The following ZNF214 variants were observed in gnomAD, a reference collection of about 807,000 sequenced individuals.
The protein encoded by ZNF214 is zinc finger protein 214.
Under a neutral mutation model 53.9 loss-of-function variants are expected in ZNF214, and 43 were observed. The observed-to-expected ratio is 0.80, with a 90% CI of 0.63 to 1.03. ZNF214 has a LOEUF of 1.03. ZNF214 is among the 50% of genes least tolerant of loss of function. The probability of loss-of-function intolerance (pLI) is 0.00; values close to 1 mark genes in which losing one functional copy is unlikely to be tolerated. For missense variants in ZNF214, 724 were observed against 719.1 expected, an observed-to-expected ratio of 1.01 and a Z score of -0.08; for synonymous variants, 217 against 229.5, an observed-to-expected ratio of 0.95 and a Z score of 0.49.
intron 1 of ZNF214, among the ~76,000 whole-genome samples, chr11:7,013,910 T>C (rs991351196): frequency 6.6e-6 from 1 of 152,222 alleles, no homozygotes; most frequent in Non-Finnish European, 1.5e-5. Context: ...AAAAGCCATA[T>C]GATTATTGTA....
chr11:7,000,924 T>A lies in ZNF214; in HGVS notation c.759A>T (p.Lys253Asn). Residue 253 changes from lysine (K) to asparagine (N), a missense_variant, in exon 3 of 3, where the codon AAA (lysine) becomes AAT (asparagine). By Grantham distance (94) the Lys-to-Asn change is moderately conservative. Transcript: ENST00000278314. ...AGTCTGATCTCTGAGAGAAGCATGC[T>A]TTACAGATGGAGCATTGACAGAGGT... ...GENLCQCSIC[K>N]ACFSQRSDLY... The A allele has an allele frequency of 6.2e-7, 1 of 1,613,286 alleles. No homozygotes were observed. Among genetic ancestry groups the A allele is most frequent in the Non-Finnish European group, 8.5e-7 (1 of 1,179,608 alleles).
rs531673749 is a variant in ZNF214, at chr11:7,010,610, G to T, written c.-20-7755C>A. Reference sequence around the variant, plus strand: ...TAGAAATAAATCATTCAGCTCAGGAGTATAAAAAAGAGAAACCATCCCCCA... The same window carrying T: ...TAGAAATAAATCATTCAGCTCAGGATTATAAAAAAGAGAAACCATCCCCCA... On this transcript the variant is annotated intron_variant, in intron 1 of 2. Transcript: ENST00000278314. 8.9e-4 allele frequency among the ~76,000 whole-genome samples: 122 copies of T among 137,828 alleles called. 1 individual carries two copies. The highest frequency in any genetic ancestry group is 3.1e-3 in the African/African-American group (116 of 37,198). 90.4% of individuals were successfully genotyped at this position (137,828 alleles called of 152,430 possible).
rs1365864813 is a variant in ZNF214, at chr11:7,000,803, G to C, written c.880C>G (p.Gln294Glu). 8.1e-6 allele frequency: 13 copies of C among 1,611,080 alleles called. No individual in the cohort carries two copies. Among genetic ancestry groups the C allele is most frequent in the Admixed American group, 1.7e-5 (1 of 59,840 alleles). Residue 294 changes from glutamine to glutamate, a missense_variant, in exon 3 of 3, where the codon CAG (glutamine) becomes GAG (glutamate). Transcript: ENST00000278314. ...FHQSSGVHFHQRVHIGEVPYS... is the reference protein window; with the variant it reads ...FHQSSGVHFHERVHIGEVPYS... The stretch of plus-strand genomic sequence containing the variant: ...GGTACCTCCCCTATGTGAACTCTCT[G>C]ATGAAAGTGAACTCCGGAGCTCTGA...
At position 6,999,636 on chromosome 11, in the gene ZNF214, ATTATAT is replaced by A. The variant is rs1851270469; in HGVS notation, c.*220_*225del. 7 of 384,226 alleles carry A rather than the reference ATTATAT, an allele frequency of 1.8e-5. No individual in the cohort carries two copies. In the South Asian group the frequency reaches 4.6e-4, roughly 25 times the overall value. 23.8% of individuals were successfully genotyped at this position (384,226 alleles called of 1,614,324 possible). A position where few individuals can be genotyped will look rare whatever the true frequency, so the allele number is the denominator to read the frequency against. ...AAATGTTTAATATATTTATGACTGTATTATATTTATAGTAGGTAAAGAAAAATACAC... is the reference window on the plus strand; with the variant it reads ...AAATGTTTAATATATTTATGACTGTATTATAGTAGGTAAAGAAAAATACAC... On this transcript the variant is annotated 3_prime_UTR_variant, in exon 3 of 3. Coordinates refer to ENST00000278314, the MANE Select transcript of ZNF214 (RefSeq NM_013249.4).
chr11:7,003,034 A>T (rs1432702198), intron 1 of ZNF214, among the ~76,000 whole-genome samples, 179 bp from the exon 2 acceptor site: 1 of 151,950 alleles, frequency 6.6e-6, no homozygotes. Flanking sequence ...ATCATGAAAC[A>T]TCATCACTAT....
chr11:6,999,811 T>C lies in ZNF214; in HGVS notation c.*51A>G. On this transcript the variant is annotated 3_prime_UTR_variant, in exon 3 of 3. Coordinates refer to ENST00000278314, the MANE Select transcript of ZNF214 (RefSeq NM_013249.4). ...TTCCTTAACAGCAGGATTTATAGGG[T>C]TTAAAGGTTAGGTAAACTTTGATTA... The C allele has an allele frequency of 2.6e-6, 4 of 1,528,832 alleles. No homozygotes were observed. Among genetic ancestry groups the C allele is most frequent in the African/African-American group, 2.8e-5 (2 of 72,430 alleles). 94.7% of individuals were successfully genotyped at this position (1,528,832 alleles called of 1,614,324 possible).
At chr11:7,008,001 A>G (rs1851513779) in intron 1 of ZNF214, among the ~76,000 whole-genome samples, 1 of 151,880 alleles carries the variant, frequency 6.6e-6, no homozygotes, top group South Asian at 2.1e-4. Context: ...AACATACTAT[A>G]TTATTAAATA....
chr11:7,010,275 T>G (rs576542238), intron 1 of ZNF214, among the ~76,000 whole-genome samples: 1 of 152,068 alleles, frequency 6.6e-6, no homozygotes, highest in South Asian at 2.1e-4. Flanking sequence ...TGCAGCAACA[T>G]GGATGGAGCT....
At chr11:7,012,414 A>G (rs576386557) in intron 1 of ZNF214, among the ~76,000 whole-genome samples, 1 of 152,184 alleles carries the variant, frequency 6.6e-6, no homozygotes, top group East Asian at 1.9e-4. Context: ...GTTAAGGGGA[A>G]AACTATAAAA....
At chr11:7,005,171 T>C (rs1351639038) in intron 1 of ZNF214, among the ~76,000 whole-genome samples, 3 of 151,998 alleles carry the variant, frequency 2.0e-5, no homozygotes, top group East Asian at 3.9e-4. Context: ...CAAATAGATA[T>C]ATTTCTGTAT....
At chr11:7,015,474 G>A (rs1039855273) in intron 1 of ZNF214, among the ~76,000 whole-genome samples, 6 of 152,006 alleles carry the variant, frequency 3.9e-5, no homozygotes, top group Non-Finnish European at 5.9e-5. Context: ...CTACTTGGGA[G>A]GCTGAGGCAT....
rs866930036 is a variant in ZNF214 at position 6,999,974 on chromosome 11, C to T, written c.1709G>A (p.Arg570Gln). Residue 570 changes from arginine (R) to glutamine (Q), a missense_variant, in exon 3 of 3, where the codon CGA becomes CAA. Arg to Gln is a conservative substitution (Grantham distance 43, BLOSUM62 1). Transcript: ENST00000278314. ...TCCTGCATGGACTCTTTGATGAATT[C>T]GAAGAGCTGAGCTATGACTGAAACC... Reference protein sequence around the residue: ...GKGFSHSSALRIHQRVHAGEK... With the variant: ...GKGFSHSSALQIHQRVHAGEK... 15 of 1,612,942 alleles carry T rather than the reference C, an allele frequency of 9.3e-6. No individual in the cohort carries two copies. The highest frequency in any genetic ancestry group is 2.7e-5 in the African/African-American group (2 of 74,794).
chr11:7,007,153 T>C (rs1221281890), intron 1 of ZNF214, among the ~76,000 whole-genome samples: 1 of 151,816 alleles, frequency 6.6e-6, no homozygotes, highest in African/African-American at 2.4e-5. Context: ...ATGACCTAGA[T>C]ATTAATACAT....
In ZNF214 at chr11:7,000,118, C is replaced by T. The variant is rs750399797; in HGVS notation, c.1565G>A (p.Gly522Glu). The T allele has an allele frequency of 1.7e-5, 28 of 1,613,246 alleles. No homozygotes were observed. The South Asian group carries it at 3.0e-4, about 17-fold the overall frequency. The stretch of plus-strand genomic sequence containing the variant: ...ATCATGACATTTATAGGGCTTTTCT[C>T]CTGTATGGACTCTCTGATGAATGAG... The part of the protein sequence containing the change: ...HLLIHQRVHT[G>E]EKPYKCHDCG... Residue 522 changes from glycine to glutamate, a missense_variant, in exon 3 of 3, where the codon GGA (glycine) becomes GAA (glutamate). Physicochemically the swap from Gly to Glu is moderately conservative, Grantham distance 98 (BLOSUM62 -2). Coordinates refer to ENST00000278314, the MANE Select transcript of ZNF214 (RefSeq NM_013249.4).
At chr11:7,018,791 C>G (rs545637909) in intron 1 of ZNF214, among the ~76,000 whole-genome samples, 1 of 152,182 alleles carries the variant, frequency 6.6e-6, no homozygotes, top group South Asian at 2.1e-4. Context: ...CGTGAGCCAC[C>G]GCGCCTGGCG....
chr11:7,003,012 A>ATGTCT (rs1851389433), intron 1 of ZNF214, among the ~76,000 whole-genome samples, 157 bp from the exon 2 acceptor site: 1 of 152,002 alleles, frequency 6.6e-6, no homozygotes, highest in Non-Finnish European at 1.5e-5. Flanking sequence ...AAATAGCTAA[A>ATGTCT]TAATATATCC....
chr11:7,006,463 T>G (rs1306796217), intron 1 of ZNF214, among the ~76,000 whole-genome samples: 1 of 152,120 alleles, frequency 6.6e-6, no homozygotes, highest in East Asian at 1.9e-4. Flanking sequence ...TGATTCCTTC[T>G]TCTAATATTG....
chr11:7,013,642 C>T (rs12285843), intron 1 of ZNF214, among the ~76,000 whole-genome samples: 85,470 of 152,078 alleles, frequency 0.56, 25,279 homozygotes, highest in East Asian at 0.74. Flanking sequence ...AGCGATGGCC[C>T]CCTGGTGTTC....
intron 2 of ZNF214, 63 bp downstream of exon 2, chr11:7,002,645 CA>C (rs1440919165): frequency 1.4e-6 from 2 of 1,460,494 alleles, no homozygotes; most frequent in African/African-American, 1.5e-5. Context: ...GATAAAAAAA[CA>C]AAATACTCAA....
Sources: gnomAD v4.1 joint callset for allele counts (sites outside exome capture counted in the v4.1 genomes callset) on GRCh38, gnomAD v4.1.1 for gene constraint, MANE v1.5 for transcripts, NCBI Gene and HGNC (gene_info 2026-07-23, HGNC 2026-07-21) for gene names.